Variants in PPL observed in about 807,000 individuals in gnomAD.
PPL encodes periplakin, also known as 190 kDa paraneoplastic pemphigus antigen.
A neutral mutation model predicts 194.4 loss-of-function variants in PPL; 198 were observed. The ratio of observed to expected loss-of-function variants is 1.02; its 90% CI spans 0.91 to 1.15. The LOEUF (loss-of-function observed/expected upper bound fraction) is 1.15, where lower values mean the gene tolerates loss of function less well. PPL is among the 50% of genes most tolerant of loss of function. The probability of loss-of-function intolerance (pLI) is 0.00; values close to 1 mark genes in which losing one functional copy is unlikely to be tolerated. For missense variants in PPL, 2,885 were observed against 2,294.8 expected, an observed-to-expected ratio of 1.26 and a Z score of -5.25; for synonymous variants, 1,220 against 972.4, an observed-to-expected ratio of 1.25 and a Z score of -4.74.
rs2089159108 is a variant in PPL, at chr16:4,926,666, G to C, written c.62+10318C>G. On this transcript the variant is annotated intron_variant, in intron 1 of 21. Coordinates refer to ENST00000345988, the MANE Select transcript of PPL (RefSeq NM_002705.5). ...CGAGGCGGGCAGATCACGAGGTCAGGAGATTGAGACCATCCTGGCTAACAT... is the reference window on the plus strand; with the variant it reads ...CGAGGCGGGCAGATCACGAGGTCAGCAGATTGAGACCATCCTGGCTAACAT... Among the ~76,000 whole-genome samples the C allele has an allele frequency of 2.6e-5, 4 of 152,062 alleles. 1 individual carries two copies. The South Asian group carries it at 8.3e-4, about 32-fold the overall frequency.
At chr16:4,906,210 G>A (rs960699945) in intron 2 of PPL, among the ~76,000 whole-genome samples, 2 of 152,052 alleles carry the variant, frequency 1.3e-5, no homozygotes, top group Non-Finnish European at 2.9e-5. Context: ...ACTTGGAGTG[G>A]AATTTTTAAA....
In PPL at chr16:4,884,156, A is replaced by ACCACCTTCTCCTTGACCT. The variant is rs1484429032; in HGVS notation, c.4481_4498dup (p.Glu1494_Val1499dup). The ACCACCTTCTCCTTGACCT allele has an allele frequency of 1.2e-5, 19 of 1,613,428 alleles. No homozygotes were observed. Among genetic ancestry groups the ACCACCTTCTCCTTGACCT allele is most frequent in the Non-Finnish European group, 1.6e-5 (19 of 1,179,952 alleles). ...CTCCACCTGGACACTCTCGGAGAGCACCACCTTCTCCTTGACCTCCGCCTT... is the reference window on the plus strand; with the variant it reads ...CTCCACCTGGACACTCTCGGAGAGCACCACCTTCTCCTTGACCTCCACCTTCTCCTTGACCTCCGCCTT... On this transcript the variant is annotated inframe_insertion, in exon 22 of 22. Coordinates refer to ENST00000345988, the MANE Select transcript of PPL (RefSeq NM_002705.5). This position sits in a 1 kb window ranked among gnomAD's most constrained non-coding sequence, Gnocchi z 5.7.
intron 18 of PPL, among the ~76,000 whole-genome samples, 168 bp downstream of exon 18, chr16:4,890,016 A>G (rs1168604736): frequency 6.6e-6 from 1 of 152,214 alleles, no homozygotes; most frequent in Non-Finnish European, 1.5e-5. Flanking sequence ...TCTTGTTCTC[A>G]GAGGGTTGGG....
At chr16:4,917,152 A>C (rs2088936751) in intron 1 of PPL, among the ~76,000 whole-genome samples, 2 of 152,066 alleles carry the variant, frequency 1.3e-5, no homozygotes, top group African/African-American at 4.8e-5. Context: ...AAACAAAAAA[A>C]CAAAAACAAA....
intron 16 of PPL, 43 bp downstream of exon 16, chr16:4,891,768 C>G (rs372714820): frequency 3.2e-6 from 5 of 1,569,116 alleles, no homozygotes; most frequent in Non-Finnish European, 4.3e-6. Flanking sequence ...GATGCTCTCA[C>G]CTGCTCAGAG....
At position 4,903,124 on chromosome 16, in the gene PPL, G is replaced by A. The variant is rs1030355188; in HGVS notation, c.318-598C>T. 1.3e-4 allele frequency among the ~76,000 whole-genome samples: 20 copies of A among 152,320 alleles called. 1 individual carries two copies. Among genetic ancestry groups the A allele is most frequent in the African/African-American group, 4.6e-4 (19 of 41,582 alleles). ...TCTGCCATCCAGCAGGGCCCACAGT[G>A]TGGTGCATGCCATGCCAAGGACAAG... On this transcript the variant is annotated intron_variant, in intron 3 of 21. Transcript: ENST00000345988.
rs2088249908 is a variant in PPL, at chr16:4,888,189, C to T, written c.2427G>A (p.Arg809=). 6.2e-7 allele frequency: 1 copy of T among 1,613,388 alleles called. No individual in the cohort carries two copies. The highest frequency in any genetic ancestry group is 8.5e-7 in the Non-Finnish European group (1 of 1,179,340). ...KDYELEAEKL[R]SLLDLENGRR... ...TTCCATTCTCCAAGTCGAGAAGAGA[C>T]CTTAGTTTTTCTGCTTCTAACTCAT... Residue 809 remains arginine (R), a synonymous_variant, in exon 20 of 22, where the codon AGG becomes AGA. Transcript: ENST00000345988.
In PPL at chr16:4,902,334, G is replaced by C. The variant is rs2088590478; in HGVS notation, c.438+72C>G. The C allele has an allele frequency of 1.3e-6, 2 of 1,587,956 alleles. No individual in the cohort carries two copies. Among genetic ancestry groups the C allele is most frequent in the African/African-American group, 1.3e-5 (1 of 74,536 alleles). On this transcript the variant is annotated intron_variant, in intron 4 of 21. Transcript: ENST00000345988. This position sits in a 1 kb window ranked among gnomAD's most constrained non-coding sequence, Gnocchi z 4.0. Reference sequence around the variant, plus strand: ...ACCCGGGATGCCCATTACATGGGTAGGCTCTCCCTGCACACGCACAGCCCC... The same window carrying C: ...ACCCGGGATGCCCATTACATGGGTACGCTCTCCCTGCACACGCACAGCCCC...
Position 4,884,608 on chromosome 16 carries a change from C to T in PPL, c.4047G>A (p.Arg1349=). 2 of 1,614,210 alleles carry T rather than the reference C, an allele frequency of 1.2e-6. No homozygotes were observed. Among genetic ancestry groups the T allele is most frequent in the Non-Finnish European group, 1.7e-6 (2 of 1,180,052 alleles). Residue 1349 remains arginine, a synonymous_variant, in exon 22 of 22, where the codon AGG becomes AGA. Coordinates refer to ENST00000345988, the MANE Select transcript of PPL (RefSeq NM_002705.5). The surrounding 1 kb of genome is among the most constrained non-coding windows in gnomAD (Gnocchi z 5.7). ...ACCTGACCACCTCCTGCTGCACCAC[C>T]CTTTCCTTCACCCGCGAGAGCTCCT... ...KEEELSRVKE[R]VVQQEVVRYE...
At chr16:4,930,401 T>C (rs761512127) in intron 1 of PPL, among the ~76,000 whole-genome samples, 2 of 152,144 alleles carry the variant, frequency 1.3e-5, no homozygotes, top group Non-Finnish European at 2.9e-5. Flanking sequence ...TCCTTTCCAC[T>C]AGCTGGAACC....
intron 8 of PPL, 35 bp downstream of exon 8, chr16:4,898,978 C>T (rs759009424): frequency 5.7e-6 from 9 of 1,592,268 alleles, no homozygotes; most frequent in African/African-American, 1.3e-5. Context: ...CAGAAGCCAC[C>T]CTGGGGGAGG....
At chr16:4,904,109 T>G (rs886845728) in intron 2 of PPL, 69 bp from the exon 3 acceptor site, 2 of 1,517,496 alleles carry the variant, frequency 1.3e-6, no homozygotes, top group Non-Finnish European at 1.8e-6. Flanking sequence ...ATGGGAGGGG[T>G]GGGAGGAAAG....
At chr16:4,901,916 C>T (rs1298196378) in intron 4 of PPL, among the ~76,000 whole-genome samples, 6 of 150,568 alleles carry the variant, frequency 4.0e-5, no homozygotes, top group African/African-American at 1.5e-4. Context: ...CTCTAGTCTG[C>T]GCGACAGAGT....
In PPL at chr16:4,884,719, C is replaced by T; in HGVS notation, c.3936G>A (p.Arg1312=). The T allele has an allele frequency of 1.9e-6, 3 of 1,614,172 alleles. No individual in the cohort carries two copies. Among genetic ancestry groups the T allele is most frequent in the Non-Finnish European group, 2.5e-6 (3 of 1,180,040 alleles). ...TCTTCTGCTCCTCTGAGAGCTTTGC[C>T]CTCAGAGACGCCACCTCCTCCTTGG... ...PQTKEEVASL[R]AKLSEEQKKQ... The change falls in exon 22 of 22, where the codon AGG becomes AGA. Residue 1312 remains arginine (R), a synonymous_variant. Transcript: ENST00000345988. This position sits in a 1 kb window ranked among gnomAD's most constrained non-coding sequence, Gnocchi z 5.7.
intron 1 of PPL, among the ~76,000 whole-genome samples, chr16:4,935,090 C>G (rs1356575544): frequency 6.6e-6 from 1 of 152,132 alleles, no homozygotes; most frequent in Non-Finnish European, 1.5e-5. Flanking sequence ...TAGGACAGAC[C>G]GTGGCTGCCT....
intron 1 of PPL, among the ~76,000 whole-genome samples, chr16:4,934,002 C>T (rs531092667): frequency 5.3e-5 from 8 of 152,352 alleles, no homozygotes; most frequent in Admixed American, 1.3e-4. Flanking sequence ...AGGCAGGCAC[C>T]GTGCTTATTC....
chr16:4,896,639 GT>G (rs1387761941), intron 9 of PPL, among the ~76,000 whole-genome samples: 203 of 129,688 alleles, frequency 1.6e-3, no homozygotes, highest in East Asian at 4.5e-3. Flanking sequence ...GTACGGGGTT[GT>G]TTTTTTTTTT....
intron 1 of PPL, among the ~76,000 whole-genome samples, chr16:4,914,750 G>T: frequency 6.6e-6 from 1 of 152,200 alleles, no homozygotes; most frequent in South Asian, 2.1e-4. Context: ...TGGCGGGGTG[G>T]CCAGGAAGGC....
At chr16:4,911,553 G>A (rs189687417) in intron 1 of PPL, among the ~76,000 whole-genome samples, 49 of 151,910 alleles carry the variant, frequency 3.2e-4, no homozygotes, top group Non-Finnish European at 5.3e-4. Flanking sequence ...TCATTTTATT[G>A]AGACGGAGTC....
Sources: allele counts gnomAD v4.1 joint callset (sites outside exome capture counted in the v4.1 genomes callset), GRCh38; gene constraint gnomAD v4.1.1; non-coding constraint Gnocchi (gnomAD v3.1); transcripts MANE v1.5; gene names NCBI Gene and HGNC (gene_info 2026-07-23, HGNC 2026-07-21).